DCLRE1C: variants seen among roughly 807,000 people sequenced by gnomAD.
DCLRE1C encodes the protein protein artemis.
Under a neutral mutation model 61.4 loss-of-function variants are expected in DCLRE1C, and 47 were observed. The ratio of observed to expected loss-of-function variants is 0.77; its 90% CI spans 0.61 to 0.98. The LOEUF is 0.98. DCLRE1C is among the 50% of genes least tolerant of loss of function. The pLI is 0.00. For missense variants in DCLRE1C, 858 were observed against 816.0 expected, an observed-to-expected ratio of 1.05 and a Z score of -0.63; for synonymous variants, 337 against 287.6, an observed-to-expected ratio of 1.17 and a Z score of -1.74.
At chr10:14,943,359 A>C (rs1841184477) in intron 3 of DCLRE1C, among the ~76,000 whole-genome samples, 1 of 152,098 alleles carries the variant, frequency 6.6e-6, no homozygotes, top group Non-Finnish European at 1.5e-5. Flanking sequence ...TTTAACAGTG[A>C]CACCCTCTTC....
chr10:14,953,867 G>A, intron 1 of DCLRE1C, 35 bp downstream of exon 1: 1 of 1,612,424 alleles, frequency 6.2e-7, no homozygotes, highest in South Asian at 1.1e-5. Context: ...AGCCCCCAGC[G>A]CCCCGGGAGC....
At chr10:14,949,710 A>G (rs1224528898) in intron 1 of DCLRE1C, among the ~76,000 whole-genome samples, 1 of 152,256 alleles carries the variant, frequency 6.6e-6, no homozygotes, top group East Asian at 1.9e-4. Context: ...ATCTTTAGCA[A>G]GTAAAGGCCC....
rs1324237762 is a variant in DCLRE1C, at chr10:14,940,527, G to T, written c.247-658C>A. On this transcript the variant is annotated intron_variant, in intron 3 of 13. Transcript: ENST00000378278. ...GCTGGTCTCCAACTCCTAACCTCAG[G>T]ATCAACTGCCTCAGCTTTCCAAAGT... Among the ~76,000 whole-genome samples the T allele has an allele frequency of 2.0e-5, 3 of 152,066 alleles. No homozygotes were observed. The East Asian group carries it at 5.8e-4, about 29-fold the overall frequency.
At position 14,953,935 on chromosome 10, in the gene DCLRE1C, C is replaced by T; in HGVS notation, c.76G>A (p.Ala26Thr). The T allele has an allele frequency of 6.2e-7, 1 of 1,614,060 alleles. No homozygotes were observed. The highest frequency in any genetic ancestry group is 1.3e-5 in the African/African-American group (1 of 75,052). ...CAGTGGGACAGGAAGTAGGCGCGGG[C>T]CCTCAGGTTCTCCCTATCGAAGCGG... Reference protein sequence around the residue: ...IDRFDRENLRARAYFLSHCHK... With the variant: ...IDRFDRENLRTRAYFLSHCHK... Residue 26 changes from alanine to threonine, a missense_variant, in exon 1 of 14, where the codon GCC becomes ACC. By Grantham distance (58) the Ala-to-Thr change is moderately conservative (BLOSUM62 0). This residue lies in a region of DCLRE1C where 843 missense variants were observed against 783.5 expected (regional missense o/e 1.08). Transcript: ENST00000378278.
rs1445385254 is a variant in DCLRE1C, at chr10:14,904,781, C to T, written c.*3627G>A. Reference sequence around the variant, plus strand: ...TTAAGTCAACATTTAGCTTATCCATCATATTGGTTTCCTGAAGATGTCAGA... The same window carrying T: ...TTAAGTCAACATTTAGCTTATCCATTATATTGGTTTCCTGAAGATGTCAGA... On this transcript the variant is annotated 3_prime_UTR_variant, in exon 14 of 14. Coordinates refer to ENST00000378278, the MANE Select transcript of DCLRE1C (RefSeq NM_001033855.3). Among the ~76,000 whole-genome samples, 1 of 152,164 alleles carries T rather than the reference C, an allele frequency of 6.6e-6. No homozygotes were observed. Among genetic ancestry groups the T allele is most frequent in the African/African-American group, 2.4e-5 (1 of 41,432 alleles).
chr10:14,919,652 A>C (rs913801216), intron 13 of DCLRE1C, 86 bp downstream of exon 13: 6 of 1,044,016 alleles, frequency 5.7e-6, no homozygotes, highest in Non-Finnish European at 9.0e-6. Context: ...CACTCTGCCC[A>C]AGGCCACTTC....
rs762761194 is a variant in DCLRE1C, at chr10:14,908,787, C to CTGTT, written c.1696_1699dup (p.Ser567LysfsTer12). On this transcript the variant is annotated frameshift_variant, in exon 14 of 14. Transcript: ENST00000378278. LOFTEE classifies it low-confidence loss of function (END_TRUNC). ...TTTGTCCAAGGAAGTAATATCCCCA[C>CTGTT]TGTTTCTCTCTTGGGAAGATAACAA... 5 of 1,614,220 alleles carry CTGTT rather than the reference C, an allele frequency of 3.1e-6. No homozygotes were observed. In the East Asian group the frequency reaches 1.1e-4, roughly 36 times the overall value.
chr10:14,947,705 G>A (rs1841902590), intron 2 of DCLRE1C: 1 of 152,202 alleles, frequency 6.6e-6, no homozygotes, highest in Non-Finnish European at 1.5e-5. Context: ...TTGCATCTGT[G>A]TGGCTCACTA....
At chr10:14,934,611 G>T (rs1839591380) in intron 7 of DCLRE1C, 91 bp from the exon 8 acceptor site, 1 of 1,612,758 alleles carries the variant, frequency 6.2e-7, no homozygotes, top group Non-Finnish European at 8.5e-7. Context: ...CACCTACGGG[G>T]ACAGTTAGGA....
chr10:14,913,218 A>G (rs72772440), intron 13 of DCLRE1C, among the ~76,000 whole-genome samples: 7,016 of 152,348 alleles, frequency 0.046, 194 homozygotes, highest in Admixed American at 0.075. Flanking sequence ...ACCATAGATT[A>G]GTTGCGGCCT....
intron 4 of DCLRE1C, among the ~76,000 whole-genome samples, chr10:14,938,045 G>GTCAC (rs149780568): frequency 0.047 from 7,111 of 152,168 alleles, 503 homozygotes; most frequent in African/African-American, 0.16. Context: ...CACACACCAG[G>GTCAC]TCACTGCTCA....
exon 14 of DCLRE1C, chr10:14,899,103 T>G: frequency 1.6e-6 from 1 of 632,220 alleles, no homozygotes; most frequent in Non-Finnish European, 2.9e-6. Flanking sequence ...GAGGCTCACT[T>G]GAGCCCAGGA....
At chr10:14,944,900 C>G (rs1022138692) in intron 3 of DCLRE1C, among the ~76,000 whole-genome samples, 2 of 151,918 alleles carry the variant, frequency 1.3e-5, no homozygotes, top group Middle Eastern at 3.4e-3. Flanking sequence ...GTCATGAACT[C>G]CTGACCTCAA....
At chr10:14,904,548 T>C (rs1246103314), downstream of DCLRE1C, among the ~76,000 whole-genome samples, 1 of 152,116 alleles carries the variant, frequency 6.6e-6, no homozygotes, top group Non-Finnish European at 1.5e-5. Context: ...TTGTCCACTT[T>C]TTTGTGTTCA....
At chr10:14,915,064 T>C (rs556499838) in intron 13 of DCLRE1C, among the ~76,000 whole-genome samples, 1 of 151,978 alleles carries the variant, frequency 6.6e-6, no homozygotes, top group East Asian at 1.9e-4. Flanking sequence ...AAATAACCCA[T>C]GTGTCAAAGA....
chr10:14,919,710 C>A (rs554238950), intron 13 of DCLRE1C, 28 bp downstream of exon 13: 23 of 1,561,066 alleles, frequency 1.5e-5, no homozygotes, highest in Non-Finnish European at 1.9e-5. Context: ...GGAGCCCACC[C>A]CTCTGAACCC....
At chr10:14,913,561 T>C (rs1295291077) in intron 13 of DCLRE1C, among the ~76,000 whole-genome samples, 3 of 152,230 alleles carry the variant, frequency 2.0e-5, no homozygotes, top group Admixed American at 6.5e-5. Flanking sequence ...ATCTTTTCAC[T>C]CTGATATGTT....
At chr10:14,936,462 G>A in intron 5 of DCLRE1C, 76 bp downstream of exon 5, 4 of 1,208,418 alleles carry the variant, frequency 3.3e-6, no homozygotes, top group Non-Finnish European at 4.8e-6. Context: ...ATTAATTTTA[G>A]ACCCTAAAAA....
chr10:14,926,494 AT>A (rs762263244), intron 11 of DCLRE1C, among the ~76,000 whole-genome samples: 2 of 152,074 alleles, frequency 1.3e-5, no homozygotes, highest in African/African-American at 2.4e-5. Context: ...TCTGCTAAAA[AT>A]ACAAAAATTT....
Sources: allele counts gnomAD v4.1 joint callset (sites outside exome capture counted in the v4.1 genomes callset), GRCh38; gene constraint gnomAD v4.1.1; regional missense constraint gnomAD v4.1.1; transcripts MANE v1.5; gene names NCBI Gene and HGNC (gene_info 2026-07-23, HGNC 2026-07-21).